The following SPTBN1 variants were observed in gnomAD, a reference collection of about 807,000 sequenced individuals.
SPTBN1 encodes spectrin beta, non-erythrocytic 1.
SPTBN1 carries 32 observed loss-of-function variants against 266.4 expected under a neutral mutation model. The observed-to-expected ratio is 0.12, with a 90% CI of 0.09 to 0.16. SPTBN1 has a LOEUF of 0.16. Ranked by LOEUF, SPTBN1 falls within the 10% of genes least tolerant of loss-of-function variation. SPTBN1 has a pLI of 1.00. For synonymous variants in SPTBN1, 1,336 were observed against 1,162.2 expected (o/e 1.15, Z -3.04); for missense variants, 2,296 against 3,067.1 (o/e 0.75, Z 5.94).
chr2:54,647,286 G>T, intron 24 of SPTBN1, 25 bp downstream of exon 24: 1 of 1,611,048 alleles, frequency 6.2e-7, no homozygotes, highest in Non-Finnish European at 8.5e-7. Context: ...ATGAGTGTGA[G>T]ACCCGGCTCT....
chr2:54,615,253 T>C lies in SPTBN1; in HGVS notation c.475-954T>C, dbSNP rs538564687. 1.3e-5 allele frequency among the ~76,000 whole-genome samples: 2 copies of C among 152,312 alleles called. 1 individual carries two copies. The highest frequency in any genetic ancestry group is 4.1e-4 in the South Asian group (2 of 4,826). ...CATTTTCTCTGTTTTTCAAAAAGAATTCTGGGAAGTGTTTGTAGATTGAAT... is the reference window on the plus strand; with the variant it reads ...CATTTTCTCTGTTTTTCAAAAAGAACTCTGGGAAGTGTTTGTAGATTGAAT... On this transcript the variant is annotated intron_variant, in intron 4 of 35. Coordinates refer to ENST00000356805, the MANE Select transcript of SPTBN1 (RefSeq NM_003128.3).
rs1191000892 is a variant in SPTBN1 at position 54,587,531 on chromosome 2, T to C, written c.149-11561T>C. ...TTAGTTCTAAGTTTTTCCTAACTTT[T>C]AAGGGCATTGCAAGTTACCCTCAGC... On this transcript the variant is annotated intron_variant, in intron 2 of 35. Coordinates refer to ENST00000356805, the MANE Select transcript of SPTBN1 (RefSeq NM_003128.3). Among the ~76,000 whole-genome samples, 6 of 152,240 alleles carry C rather than the reference T, an allele frequency of 3.9e-5. No individual in the cohort carries two copies. The East Asian group carries it at 9.6e-4, about 24-fold the overall frequency.
In SPTBN1 at chr2:54,649,763, A is replaced by T. The variant is rs373840795; in HGVS notation, c.5351A>T (p.Asn1784Ile). 5 of 1,614,190 alleles carry T rather than the reference A, an allele frequency of 3.1e-6. No homozygotes were observed. Among genetic ancestry groups the T allele is most frequent in the African/African-American group, 2.7e-5 (2 of 75,050 alleles). Reference protein sequence around the residue: ...ATIAEWKDGLNEAWADLLELI... With the variant: ...ATIAEWKDGLIEAWADLLELI... ...ATCGCTGAATGGAAGGATGGCCTCA[A>T]TGAAGCCTGGGCCGACCTCCTGGAG... Residue 1784 changes from asparagine to isoleucine, a missense_variant, in exon 26 of 36, where the codon AAT (asparagine) becomes ATT (isoleucine). Asn to Ile is a moderately radical substitution (Grantham distance 149). Transcript: ENST00000356805. This position sits in a 1 kb window ranked among gnomAD's most constrained non-coding sequence, Gnocchi z 6.7.
At chr2:54,494,088 G>C (rs1033568047) in intron 1 of SPTBN1, among the ~76,000 whole-genome samples, 5 of 152,112 alleles carry the variant, frequency 3.3e-5, no homozygotes, top group Non-Finnish European at 7.4e-5. Context: ...AAAAGAATGA[G>C]GTACGGTGTA....
Position 54,644,304 on chromosome 2 carries a change from TG to T in SPTBN1, c.4006-18del. On this transcript the variant is annotated intron_variant, in intron 19 of 35. Coordinates refer to ENST00000356805, the MANE Select transcript of SPTBN1 (RefSeq NM_003128.3). ...TAGCAAACTTGTTTATTTACAACCATGTTGGTTTTGTTTTCCAGGAAGGAAT... is the reference window on the plus strand; with the variant it reads ...TAGCAAACTTGTTTATTTACAACCATTTGGTTTTGTTTTCCAGGAAGGAAT... 1 of 1,598,116 alleles carries T rather than the reference TG, an allele frequency of 6.3e-7. No individual in the cohort carries two copies. Among genetic ancestry groups the T allele is most frequent in the South Asian group, 1.1e-5 (1 of 90,256 alleles).
chr2:54,664,364 A>G lies in SPTBN1; in HGVS notation c.6421-89A>G. The G allele has an allele frequency of 7.5e-7, 1 of 1,337,784 alleles. No homozygotes were observed. The highest frequency in any genetic ancestry group is 1.0e-6 in the Non-Finnish European group (1 of 956,298). The allele number at this position is 1,337,784 out of a possible 1,614,324, so 82.9% of individuals were successfully genotyped here. A position where few individuals can be genotyped will look rare whatever the true frequency, so the allele number is the denominator to read the frequency against. On this transcript the variant is annotated intron_variant, in intron 32 of 35. Transcript: ENST00000356805. This position sits in a 1 kb window ranked among gnomAD's most constrained non-coding sequence, Gnocchi z 5.6. ...GCCTCGATCTGTGCCAGGCATTTATACACAGCCACATGTGCGAGTCAGGTA... is the reference window on the plus strand; with the variant it reads ...GCCTCGATCTGTGCCAGGCATTTATGCACAGCCACATGTGCGAGTCAGGTA...
chr2:54,658,981 G>T (rs1362745753), intron 30 of SPTBN1, among the ~76,000 whole-genome samples, 173 bp from the exon 31 acceptor site: 4 of 152,206 alleles, frequency 2.6e-5, no homozygotes, highest in African/African-American at 9.7e-5. Flanking sequence ...GTTTTAGGTT[G>T]TAGCTGCAGT....
rs2103906077 is a variant in SPTBN1 at position 54,626,947 on chromosome 2, C to G, written c.1644+713C>G. Among the ~76,000 whole-genome samples the G allele has an allele frequency of 6.6e-6, 1 of 152,212 alleles. No individual in the cohort carries two copies. Among genetic ancestry groups the G allele is most frequent in the South Asian group, 2.1e-4 (1 of 4,788 alleles). On this transcript the variant is annotated intron_variant, in intron 12 of 35. Transcript: ENST00000356805. The surrounding 1 kb of genome is among the most constrained non-coding windows in gnomAD (Gnocchi z 4.7). Reference sequence around the variant, plus strand: ...ACCTGTTCATGTCCTCCAATGCAGGCCATGGAATGCTCAGCCATGCCAAGC... The same window carrying G: ...ACCTGTTCATGTCCTCCAATGCAGGGCATGGAATGCTCAGCCATGCCAAGC...
intron 1 of SPTBN1, among the ~76,000 whole-genome samples, chr2:54,483,054 A>G (rs1668179109): frequency 1.3e-5 from 2 of 152,180 alleles, no homozygotes; most frequent in South Asian, 2.1e-4. Flanking sequence ...GGGCCAGGGA[A>G]GAGAGAATGC....
rs746975142 is a variant in SPTBN1, at chr2:54,623,531, A to G, written c.1117A>G (p.Met373Val). The change falls in exon 10 of 36, where the codon ATG (methionine) becomes GTG (valine). Residue 373 changes from methionine to valine, a missense_variant. This residue lies in a region of SPTBN1 where 148 missense variants were observed against 203.8 expected (regional missense o/e 0.73). Coordinates refer to ENST00000356805, the MANE Select transcript of SPTBN1 (RefSeq NM_003128.3). ...GCTGCTCTTCACCATTCAGAGCAAG[A>G]TGAGGGCCAACAACCAGAAGGTCTA... ...EVLLFTIQSK[M>V]RANNQKVYMP... 6.2e-7 allele frequency: 1 copy of G among 1,614,202 alleles called. No homozygotes were observed.
intron 2 of SPTBN1, among the ~76,000 whole-genome samples, chr2:54,563,782 T>C (rs1164124876): frequency 1.3e-5 from 2 of 151,918 alleles, no homozygotes; most frequent in African/African-American, 4.8e-5. Context: ...TTTTGCATTT[T>C]TAGTAGAGAT....
At position 54,558,935 on chromosome 2, in the gene SPTBN1, T is replaced by G; in HGVS notation, c.148+32369T>G. ...GGCCTGTCCTGGGTGCCAACGGGGGTTCTTGGAGGCTTTATTTGTGACCCT... is the reference window on the plus strand; with the variant it reads ...GGCCTGTCCTGGGTGCCAACGGGGGGTCTTGGAGGCTTTATTTGTGACCCT... On this transcript the variant is annotated intron_variant, in intron 2 of 35. Coordinates refer to ENST00000356805, the MANE Select transcript of SPTBN1 (RefSeq NM_003128.3). This position sits in a 1 kb window ranked among gnomAD's most constrained non-coding sequence, Gnocchi z 4.6. 1 of 1,587,628 alleles carries G rather than the reference T, an allele frequency of 6.3e-7. No homozygotes were observed. The highest frequency in any genetic ancestry group is 1.1e-5 in the South Asian group (1 of 88,582).
intron 1 of SPTBN1, among the ~76,000 whole-genome samples, chr2:54,474,020 G>A (rs1053061598): frequency 1.3e-5 from 2 of 152,316 alleles, no homozygotes; most frequent in South Asian, 2.1e-4. Context: ...GAAGGCAGAC[G>A]GAAACATTGG....
At chr2:54,576,435 G>A (rs1573451058) in intron 2 of SPTBN1, among the ~76,000 whole-genome samples, 1 of 152,074 alleles carries the variant, frequency 6.6e-6, no homozygotes, top group African/African-American at 2.4e-5. Context: ...TGTAGGTCCA[G>A]GAAAACAGCT....
At chr2:54,542,153 G>A (rs6704769) in intron 2 of SPTBN1, among the ~76,000 whole-genome samples, 113,940 of 152,262 alleles carry the variant, frequency 0.75, 42,772 homozygotes, top group African/African-American at 0.77. Context: ...CACTGTGATC[G>A]GTGGTAGAAA....
chr2:54,644,488 G>A lies in SPTBN1; in HGVS notation c.4171G>A (p.Asp1391Asn), dbSNP rs1679793919. Residue 1391 changes from aspartate to asparagine, a missense_variant, in exon 20 of 36, where the codon GAT becomes AAT. Coordinates refer to ENST00000356805, the MANE Select transcript of SPTBN1 (RefSeq NM_003128.3). ...CGAACTTTTCACCCAGAGCTGTGCA[G>A]ATCTAGACAAATGGCTGCACGGCCT... ...KAELFTQSCA[D>N]LDKWLHGLES... 1 of 1,614,118 alleles carries A rather than the reference G, an allele frequency of 6.2e-7. No homozygotes were observed. Among genetic ancestry groups the A allele is most frequent in the African/African-American group, 1.3e-5 (1 of 74,938 alleles).
chr2:54,649,454 T>A lies in SPTBN1; in HGVS notation c.5203-161T>A, dbSNP rs1680125900. 1 of 1,210,526 alleles carries A rather than the reference T, an allele frequency of 8.3e-7. No individual in the cohort carries two copies. Among genetic ancestry groups the A allele is most frequent in the Admixed American group, 2.9e-5 (1 of 34,904 alleles). The allele number at this position is 1,210,526 out of a possible 1,614,324, so 75.0% of individuals were successfully genotyped here. A position where few individuals can be genotyped will look rare whatever the true frequency, so the allele number is the denominator to read the frequency against. ...GCAGTGAGCAAGAAAGGAAACCCAGTTGCTAAGAGGTTCTCGAGCTAAGAT... is the reference window on the plus strand; with the variant it reads ...GCAGTGAGCAAGAAAGGAAACCCAGATGCTAAGAGGTTCTCGAGCTAAGAT... On this transcript the variant is annotated intron_variant, in intron 25 of 35. Coordinates refer to ENST00000356805, the MANE Select transcript of SPTBN1 (RefSeq NM_003128.3). This position sits in a 1 kb window ranked among gnomAD's most constrained non-coding sequence, Gnocchi z 6.7.
intron 3 of SPTBN1, among the ~76,000 whole-genome samples, chr2:54,611,821 C>CA (rs970901267): frequency 2.8e-3 from 399 of 142,946 alleles, no homozygotes; most frequent in African/African-American, 7.6e-3. Flanking sequence ...CATGCACCTG[C>CA]AAAAAAAAAA....
chr2:54,650,154 T>C (rs997680885), intron 26 of SPTBN1, among the ~76,000 whole-genome samples, 165 bp downstream of exon 26: 11 of 152,226 alleles, frequency 7.2e-5, no homozygotes, highest in Non-Finnish European at 1.2e-4. Flanking sequence ...GGAGAACTTA[T>C]CAGTCCATAA....
Sources: gnomAD v4.1 joint callset for allele counts (sites outside exome capture counted in the v4.1 genomes callset) on GRCh38, gnomAD v4.1.1 for gene constraint, gnomAD v4.1.1 regional missense constraint, Gnocchi (gnomAD v3.1) non-coding constraint, MANE v1.5 for transcripts, NCBI Gene and HGNC (gene_info 2026-07-23, HGNC 2026-07-21) for gene names.